Variants in PIGK observed in about 807,000 individuals in gnomAD.
The protein encoded by PIGK is phosphatidylinositol glycan anchor biosynthesis class K.
Under a neutral mutation model 50.6 loss-of-function variants are expected in PIGK, and 42 were observed. The observed-to-expected ratio is 0.83, with a 90% confidence interval of 0.65 to 1.07. PIGK has a LOEUF of 1.07. Among genes scored for constraint, PIGK ranks in the 50% least tolerant of loss-of-function variants. PIGK has a pLI of 0.00. For missense variants in PIGK, 448 were observed against 488.7 expected, an observed-to-expected ratio of 0.92 and a Z score of 0.78; for synonymous variants, 151 against 156.0, an observed-to-expected ratio of 0.97 and a Z score of 0.24.
intron 10 of PIGK, among the ~76,000 whole-genome samples, chr1:77,106,863 A>G (rs1653693902): frequency 1.3e-5 from 2 of 152,114 alleles, no homozygotes; most frequent in African/African-American, 4.8e-5. Context: ...AGTAAACATT[A>G]ATTTATTTGC....
intron 3 of PIGK, among the ~76,000 whole-genome samples, chr1:77,201,216 C>T (rs185531575): frequency 1.2e-3 from 185 of 152,306 alleles, no homozygotes; most frequent in Non-Finnish European, 2.2e-3. Flanking sequence ...CCAGAATTTA[C>T]ATAACTGACC....
intron 4 of PIGK, among the ~76,000 whole-genome samples, chr1:77,167,383 A>T (rs1292948541): frequency 2.0e-5 from 3 of 152,182 alleles, no homozygotes; most frequent in Non-Finnish European, 4.4e-5. Context: ...GAGAAAAATA[A>T]GTTCTGAATT....
At chr1:77,198,705 A>T (rs938817048) in intron 3 of PIGK, among the ~76,000 whole-genome samples, 16 of 152,010 alleles carry the variant, frequency 1.1e-4, no homozygotes, top group African/African-American at 2.9e-4. Context: ...GAGAAAAATT[A>T]AAAAATTATA....
chr1:77,157,856 T>C (rs987459527), intron 8 of PIGK, among the ~76,000 whole-genome samples: 9 of 152,118 alleles, frequency 5.9e-5, no homozygotes, highest in African/African-American at 2.2e-4. Flanking sequence ...TCTCACAAGA[T>C]CTGATGGTTT....
chr1:77,154,538 C>G lies in PIGK; in HGVS notation c.897G>C (p.Leu299=). Residue 299 remains leucine (L), a synonymous_variant, in exon 9 of 11, where the codon CTG becomes CTC. Transcript: ENST00000370812. The part of the protein sequence containing the change: ...DLFQRDPKNV[L]ITDFFGSVRK... ...GTACACTTCCAAAGAAATCAGTTAT[C>G]AGTACATTTTTAGGATCCCTCTGAA... is the stretch of plus-strand genomic sequence containing the variant. The G allele has an allele frequency of 6.2e-7, 1 of 1,611,302 alleles. No homozygotes were observed. Among genetic ancestry groups the G allele is most frequent in the Non-Finnish European group, 8.5e-7 (1 of 1,177,656 alleles).
At chr1:77,208,448 T>A (rs1024497809) in intron 2 of PIGK, among the ~76,000 whole-genome samples, 1 of 152,186 alleles carries the variant, frequency 6.6e-6, no homozygotes, top group African/African-American at 2.4e-5. Flanking sequence ...TGTGTCAGTA[T>A]AAGCTAACAG....
At chr1:77,137,480 A>C (rs1654546157) in intron 9 of PIGK, among the ~76,000 whole-genome samples, 1 of 152,226 alleles carries the variant, frequency 6.6e-6, no homozygotes, top group Non-Finnish European at 1.5e-5. Context: ...TGGTTTACAA[A>C]TATGAAAGTC....
intron 10 of PIGK, among the ~76,000 whole-genome samples, chr1:77,100,807 G>A (rs893094906): frequency 2.6e-5 from 4 of 152,098 alleles, no homozygotes; most frequent in African/African-American, 9.7e-5. Context: ...CGTGTTGTAC[G>A]GTGCACCAGA....
At chr1:77,153,479 C>G (rs1323655851) in intron 9 of PIGK, 1 of 151,692 alleles carries the variant, frequency 6.6e-6, no homozygotes, top group Non-Finnish European at 1.5e-5. Flanking sequence ...TTCAAAATAT[C>G]CAGAAAAAAA....
intron 4 of PIGK, among the ~76,000 whole-genome samples, chr1:77,167,357 A>G (rs1655258947): frequency 6.6e-6 from 1 of 152,260 alleles, no homozygotes; most frequent in African/African-American, 2.4e-5. Flanking sequence ...AAAACAAGCA[A>G]AGTAAAACTA....
chr1:77,185,844 T>C lies in PIGK; in HGVS notation c.240-16449A>G, dbSNP rs370028077. On this transcript the variant is annotated intron_variant, in intron 3 of 10. Coordinates refer to ENST00000370812, the MANE Select transcript of PIGK (RefSeq NM_005482.3). ...AACCACAGCGGAGGCCTCTAGGATT[T>C]TGGAGCAAGGCCCTGCCATCTTCTG... 2.0e-5 allele frequency among the ~76,000 whole-genome samples: 3 copies of C among 152,198 alleles called. No individual in the cohort carries two copies. The South Asian group carries it at 6.2e-4, about 32-fold the overall frequency.
intron 3 of PIGK, among the ~76,000 whole-genome samples, chr1:77,178,244 G>A (rs1655531425): frequency 6.6e-6 from 1 of 152,164 alleles, no homozygotes; most frequent in Non-Finnish European, 1.5e-5. Flanking sequence ...CAGACCATTG[G>A]TTCATTCCTC....
intron 3 of PIGK, among the ~76,000 whole-genome samples, chr1:77,194,511 T>A (rs1655985473): frequency 6.6e-6 from 1 of 152,090 alleles, no homozygotes; most frequent in African/African-American, 2.4e-5. Flanking sequence ...CTAGAGGCTA[T>A]TATCCTAAGT....
intron 8 of PIGK, among the ~76,000 whole-genome samples, chr1:77,158,438 C>T (rs557273348): frequency 2.6e-5 from 4 of 152,066 alleles, no homozygotes; most frequent in South Asian, 2.1e-4. Flanking sequence ...TTAAGATACC[C>T]GAAAATGTGG....
chr1:77,188,132 A>G (rs868370742), intron 3 of PIGK, among the ~76,000 whole-genome samples: 1 of 152,208 alleles, frequency 6.6e-6, no homozygotes, highest in South Asian at 2.1e-4. Flanking sequence ...ATCTTGAAAA[A>G]AGAACAGGAT....
chr1:77,186,936 G>A (rs1655762343), intron 3 of PIGK, among the ~76,000 whole-genome samples: 1 of 152,190 alleles, frequency 6.6e-6, no homozygotes, highest in South Asian at 2.1e-4. Context: ...GCAGTGGTTT[G>A]TCCCCACTGG....
chr1:77,134,975 G>A (rs1027162989), intron 9 of PIGK, among the ~76,000 whole-genome samples: 20 of 151,116 alleles, frequency 1.3e-4, no homozygotes, highest in East Asian at 1.9e-4. Context: ...ACTGTGATCC[G>A]AAAAAAAATG....
chr1:77,137,018 A>G (rs1175591547), intron 9 of PIGK, among the ~76,000 whole-genome samples: 1 of 152,208 alleles, frequency 6.6e-6, no homozygotes, highest in Non-Finnish European at 1.5e-5. Flanking sequence ...CCTTCTAAGA[A>G]AAGATACAGT....
intron 9 of PIGK, among the ~76,000 whole-genome samples, chr1:77,131,690 T>C (rs546147999): frequency 4.6e-5 from 7 of 152,236 alleles, no homozygotes; most frequent in African/African-American, 1.2e-4. Context: ...AATGTATTGA[T>C]ATGATGAAAT....
Sources: gnomAD v4.1 joint callset for allele counts (sites outside exome capture counted in the v4.1 genomes callset) on GRCh38, gnomAD v4.1.1 for gene constraint, MANE v1.5 for transcripts, NCBI Gene and HGNC (gene_info 2026-07-23, HGNC 2026-07-21) for gene names.